RFC4: variants seen among roughly 807,000 people sequenced by gnomAD.
RFC4 encodes the protein replication factor C subunit 4, also known as A1 37 kDa subunit.
Under a neutral mutation model 47.6 loss-of-function variants are expected in RFC4, and 38 were observed. The ratio of observed to expected loss-of-function variants is 0.80; its 90% CI spans 0.62 to 1.05. The LOEUF (loss-of-function observed/expected upper bound fraction) is 1.05. Among genes scored for constraint, RFC4 ranks in the 50% least tolerant of loss-of-function variants. RFC4 has a pLI of 0.00. For synonymous variants in RFC4, 164 were observed against 150.0 expected, an observed-to-expected ratio of 1.09 and a Z score of -0.68; for missense variants, 489 against 434.0, an observed-to-expected ratio of 1.13 and a Z score of -1.13.
chr3:186,797,772 T>C lies in RFC4; in HGVS notation c.211-158A>G, dbSNP rs187349496. 1.6e-3 allele frequency among the ~76,000 whole-genome samples: 251 copies of C among 152,344 alleles called. 4 individuals carry two copies. The highest frequency in any genetic ancestry group is 3.4e-3 in the Middle Eastern group (1 of 294). On this transcript the variant is annotated intron_variant, in intron 3 of 10. Coordinates refer to ENST00000296273, the MANE Select transcript of RFC4 (RefSeq NM_002916.5). The stretch of plus-strand genomic sequence containing the variant: ...TTTCTTAATATAACTGATATCATAG[T>C]ACTGACAGATTTAAATCCTGCTTTT...
intron 10 of RFC4, 27 bp downstream of exon 10, chr3:186,790,115 A>G (rs781249151): frequency 3.7e-5 from 59 of 1,604,358 alleles, no homozygotes; most frequent in Non-Finnish European, 4.7e-5. Context: ...TAAATGTTCC[A>G]TTGACATGTG....
Position 186,804,645 on chromosome 3 carries a change from A to G in RFC4, c.69T>C (p.Ala23=), listed in dbSNP as rs1228279772. 14 of 1,614,122 alleles carry G rather than the reference A, an allele frequency of 8.7e-6. No homozygotes were observed. Among genetic ancestry groups the G allele is most frequent in the Non-Finnish European group, 1.0e-5 (12 of 1,180,016 alleles). The change falls in exon 2 of 11, where the codon GCT becomes GCC. Residue 23 remains alanine, a synonymous_variant. Transcript: ENST00000296273. ...KPPLTKDRGV[A]ASAGSSGENK... ...TCTCTCCGCTACTTCCCGCACTGGC[A>G]GCTACTCCTCGATCCTTGGTCAGCG...
At chr3:186,792,197 G>C (rs1203808615) in intron 7 of RFC4, among the ~76,000 whole-genome samples, 2 of 152,162 alleles carry the variant, frequency 1.3e-5, no homozygotes, top group African/African-American at 4.8e-5. Context: ...TTAGCTAGAA[G>C]ACTAAAATCT....
intron 2 of RFC4, among the ~76,000 whole-genome samples, chr3:186,803,720 C>T (rs980598231): frequency 2.0e-5 from 3 of 150,636 alleles, no homozygotes; most frequent in Non-Finnish European, 4.4e-5. Context: ...ACATGTTGGC[C>T]AGGCTGGTCT....
intron 2 of RFC4, among the ~76,000 whole-genome samples, chr3:186,803,855 T>C (rs534716432): frequency 2.1e-4 from 32 of 152,116 alleles, no homozygotes; most frequent in African/African-American, 7.5e-4. Context: ...AATTCAAGTG[T>C]TGTTTGGACA....
intron 2 of RFC4, among the ~76,000 whole-genome samples, chr3:186,803,871 G>A (rs1015094325): frequency 2.0e-5 from 3 of 151,950 alleles, no homozygotes; most frequent in Non-Finnish European, 2.9e-5. Context: ...GGACAAAAAT[G>A]TATGAGCTAA....
At chr3:186,791,644 C>T (rs2108467890) in intron 8 of RFC4, 81 bp downstream of exon 8, 1 of 1,227,900 alleles carries the variant, frequency 8.1e-7, no homozygotes, top group East Asian at 2.3e-5. Flanking sequence ...TGCTAAACAC[C>T]CAGTATTTGT....
Position 186,789,907 on chromosome 3 carries a change from G to T in RFC4, c.*62C>A. 2.9e-6 allele frequency: 3 copies of T among 1,048,228 alleles called. No individual in the cohort carries two copies. Among genetic ancestry groups the T allele is most frequent in the Non-Finnish European group, 4.3e-6 (3 of 693,692 alleles). The allele number at this position is 1,048,228 out of a possible 1,614,324, so 64.9% of individuals were successfully genotyped here. On this transcript the variant is annotated 3_prime_UTR_variant, in exon 11 of 11. Transcript: ENST00000296273. ...GTATATTCACTTTAAAGGTGCTTTT[G>T]GTCATTTTATTTTTATTACAACTTC...
intron 8 of RFC4, among the ~76,000 whole-genome samples, chr3:186,790,647 C>T (rs1722090375): frequency 6.6e-6 from 1 of 152,176 alleles, no homozygotes; most frequent in Admixed American, 6.5e-5. Flanking sequence ...AGTTTGGGCA[C>T]ACATGGATTA....
intron 8 of RFC4, among the ~76,000 whole-genome samples, chr3:186,790,980 CAG>C (rs1379575247): frequency 6.6e-6 from 1 of 151,980 alleles, no homozygotes; most frequent in East Asian, 1.9e-4. Context: ...AAAAATGTCA[CAG>C]AAACAAAAGT....
chr3:186,792,370 G>T, intron 7 of RFC4, 120 bp downstream of exon 7: 1 of 797,616 alleles, frequency 1.3e-6, no homozygotes, highest in Non-Finnish European at 2.0e-6. Context: ...TTTAGCTTAA[G>T]TTTGTCTGAA....
At chr3:186,790,928 G>A (rs575076183) in intron 8 of RFC4, among the ~76,000 whole-genome samples, 2 of 151,178 alleles carry the variant, frequency 1.3e-5, no homozygotes, top group East Asian at 3.9e-4. Flanking sequence ...AAGAGGATTA[G>A]TGGTACCAGT....
rs375819811 is a variant in RFC4, at chr3:186,790,755, C to T, written c.802-349G>A. On this transcript the variant is annotated intron_variant, in intron 8 of 10. Coordinates refer to ENST00000296273, the MANE Select transcript of RFC4 (RefSeq NM_002916.5). ...CAAGATCAATCAAAAAGACTGATTT[C>T]TTTAAAGGGGAAGTGCCCTTTCTCT... 5.9e-5 allele frequency among the ~76,000 whole-genome samples: 9 copies of T among 152,316 alleles called. 1 individual carries two copies. The highest frequency in any genetic ancestry group is 2.2e-4 in the African/African-American group (9 of 41,574).
At chr3:186,802,669 A>C (rs1271429378) in intron 2 of RFC4, among the ~76,000 whole-genome samples, 1 of 152,224 alleles carries the variant, frequency 6.6e-6, no homozygotes, top group South Asian at 2.1e-4. Context: ...TTAGTTAACT[A>C]ATCAAAAGTT....
intron 8 of RFC4, chr3:186,791,478 AAAAAC>A (rs1259835600): frequency 4.4e-6 from 2 of 456,768 alleles, no homozygotes; most frequent in South Asian, 2.2e-5. Flanking sequence ...TCAAAAAAAA[AAAAAC>A]AAAAAAACTA....
intron 4 of RFC4, 28 bp from the exon 5 acceptor site, chr3:186,794,805 C>T (rs1425355853): frequency 1.9e-6 from 3 of 1,611,948 alleles, no homozygotes; most frequent in African/African-American, 2.7e-5. Context: ...AAATATGAAA[C>T]ATAGAGCACA....
rs1431971378 is a variant in RFC4 at position 186,797,593 on chromosome 3, C to T, written c.232G>A (p.Gly78Arg). ...GADLPNLLFY[G>R]PPGTGKTSTI... The stretch of plus-strand genomic sequence containing the variant: ...GATGTTTTTCCAGTTCCAGGTGGTC[C>T]GTAAAACAAGAGATTAGGAAGCTGT... Residue 78 changes from glycine to arginine, a missense_variant, in exon 4 of 11, where the codon GGA becomes AGA. This residue lies in a region of RFC4 where 206 missense variants were observed against 257.8 expected (regional missense o/e 0.80). Transcript: ENST00000296273. 5 of 1,606,038 alleles carry T rather than the reference C, an allele frequency of 3.1e-6. No homozygotes were observed. Among genetic ancestry groups the T allele is most frequent in the African/African-American group, 1.3e-5 (1 of 74,580 alleles).
intron 2 of RFC4, among the ~76,000 whole-genome samples, chr3:186,803,629 A>G (rs62294449): frequency 0.24 from 35,296 of 150,172 alleles, 4,848 homozygotes; most frequent in East Asian, 0.41. Context: ...TCAGCCTCCC[A>G]AGTAGCTGGG....
intron 7 of RFC4, 144 bp downstream of exon 7, chr3:186,792,346 T>A (rs1722158641): frequency 1.5e-6 from 1 of 667,056 alleles, no homozygotes; most frequent in Non-Finnish European, 2.5e-6. Flanking sequence ...CCTACACATT[T>A]CAATTGTTGC....
Sources: gnomAD v4.1 joint callset for allele counts (sites outside exome capture counted in the v4.1 genomes callset) on GRCh38, gnomAD v4.1.1 for gene constraint, gnomAD v4.1.1 regional missense constraint, MANE v1.5 for transcripts, NCBI Gene and HGNC (gene_info 2026-07-23, HGNC 2026-07-21) for gene names.